The following KAT6B variants were observed in gnomAD, a reference collection of about 807,000 sequenced individuals.
KAT6B encodes histone acetyltransferase KAT6B.
Under a neutral mutation model 187.5 loss-of-function variants are expected in KAT6B, and 10 were observed. The observed-to-expected ratio is 0.05, with a 90% CI of 0.03 to 0.09. KAT6B has a LOEUF of 0.09. Ranked by LOEUF, KAT6B falls within the 10% of genes least tolerant of loss-of-function variation. The pLI, the probability that KAT6B is intolerant of heterozygous loss-of-function variation, is 1.00. For synonymous variants in KAT6B, 861 were observed against 926.8 expected (o/e 0.93, Z 1.29); for missense variants, 1,952 against 2,558.9 (o/e 0.76, Z 5.12).
chr10:75,002,031 A>T (rs1028179474), intron 13 of KAT6B, among the ~76,000 whole-genome samples: 1 of 152,164 alleles, frequency 6.6e-6, no homozygotes, highest in Non-Finnish European at 1.5e-5. Context: ...CCGTGTGGTC[A>T]GCTTAGGGCT....
At chr10:74,871,311 A>G (rs190021677) in intron 3 of KAT6B, among the ~76,000 whole-genome samples, 3 of 146,204 alleles carry the variant, frequency 2.1e-5, no homozygotes, top group South Asian at 2.2e-4. Flanking sequence ...TCCTGCCTCA[A>G]CCTCCCAAGT....
intron 13 of KAT6B, among the ~76,000 whole-genome samples, chr10:74,994,669 C>G (rs879783359): frequency 6.6e-6 from 1 of 151,878 alleles, no homozygotes; most frequent in East Asian, 1.9e-4. Context: ...CGCCTGTAGT[C>G]CCAGCTACTT....
intron 3 of KAT6B, among the ~76,000 whole-genome samples, chr10:74,898,948 C>CA (rs1458324013): frequency 7.1e-6 from 1 of 141,588 alleles, no homozygotes; most frequent in Non-Finnish European, 1.5e-5. Flanking sequence ...GTCAGGAGTT[C>CA]AAAACCAGCC....
At chr10:74,886,318 A>G (rs534435713) in intron 3 of KAT6B, among the ~76,000 whole-genome samples, 2 of 152,162 alleles carry the variant, frequency 1.3e-5, no homozygotes, top group East Asian at 1.9e-4. Context: ...AGGCCATCAC[A>G]GTTCTGGGAG....
chr10:74,863,268 A>G (rs990041153), intron 3 of KAT6B, among the ~76,000 whole-genome samples: 4 of 152,134 alleles, frequency 2.6e-5, no homozygotes, highest in African/African-American at 9.7e-5. Flanking sequence ...ATAATTTTGT[A>G]TCTTCCTTTC....
At chr10:74,909,098 G>A (rs2132878530) in intron 3 of KAT6B, among the ~76,000 whole-genome samples, 1 of 152,366 alleles carries the variant, frequency 6.6e-6, no homozygotes, top group South Asian at 2.1e-4. Context: ...GTAAGGCCGT[G>A]TATGGTGGCT....
At chr10:74,900,959 T>A (rs1334907857) in intron 3 of KAT6B, among the ~76,000 whole-genome samples, 2 of 152,212 alleles carry the variant, frequency 1.3e-5, no homozygotes, top group Non-Finnish European at 2.9e-5. Flanking sequence ...AAGTATATAT[T>A]CTTGAGTGTC....
At chr10:75,015,474 C>T (rs1489221477) in intron 13 of KAT6B, among the ~76,000 whole-genome samples, 2 of 152,186 alleles carry the variant, frequency 1.3e-5, no homozygotes, top group African/African-American at 2.4e-5. Context: ...AATAGCCTGT[C>T]AAGTTCATTT....
chr10:74,984,950 A>C, intron 11 of KAT6B, 130 bp from the exon 12 acceptor site: 1 of 824,664 alleles, frequency 1.2e-6, no homozygotes, highest in Non-Finnish European at 2.0e-6. Context: ...TGCTTAATAG[A>C]GTGTTTTAAT....
chr10:74,827,640 CTG>C (rs146953749), intron 1 of KAT6B, among the ~76,000 whole-genome samples: 2,560 of 151,978 alleles, frequency 0.017, 36 homozygotes, highest in Non-Finnish European at 0.028. Flanking sequence ...CTTGCAAAAT[CTG>C]TGGCAGAAAA....
At chr10:74,994,709 C>T (rs932598533) in intron 13 of KAT6B, among the ~76,000 whole-genome samples, 1 of 151,796 alleles carries the variant, frequency 6.6e-6, no homozygotes, top group Non-Finnish European at 1.5e-5. Flanking sequence ...TTGCTTGAAC[C>T]CGGGAGGTGG....
At chr10:74,970,828 A>G (rs1358373169) in intron 6 of KAT6B, among the ~76,000 whole-genome samples, 1 of 152,222 alleles carries the variant, frequency 6.6e-6, no homozygotes, top group Non-Finnish European at 1.5e-5. Context: ...AACATTCTGT[A>G]CATGTTTTTG....
At chr10:74,896,874 G>C (rs1007160981) in intron 3 of KAT6B, among the ~76,000 whole-genome samples, 1 of 152,088 alleles carries the variant, frequency 6.6e-6, no homozygotes, top group African/African-American at 2.4e-5. Flanking sequence ...CACGTAAACT[G>C]TACTAATGCC....
intron 3 of KAT6B, among the ~76,000 whole-genome samples, chr10:74,903,712 C>T (rs1400151709): frequency 6.6e-6 from 1 of 152,206 alleles, no homozygotes; most frequent in Non-Finnish European, 1.5e-5. Flanking sequence ...TTCTGACCCA[C>T]TCAGCTGTGA....
intron 3 of KAT6B, among the ~76,000 whole-genome samples, chr10:74,954,666 G>A (rs912214554): frequency 6.6e-6 from 1 of 152,104 alleles, no homozygotes; most frequent in Admixed American, 6.5e-5. Flanking sequence ...CCTTCACTAG[G>A]TCATAATATT....
chr10:74,825,939 TGGA>T (rs1420427675), upstream of KAT6B, among the ~76,000 whole-genome samples: 22 of 56,542 alleles, frequency 3.9e-4, no homozygotes, highest in African/African-American at 1.5e-3. This position sits in a 1 kb window ranked among gnomAD's most constrained non-coding sequence, Gnocchi z 5.0. Context: ...GGAGAGAGGG[TGGA>T]GGAGGGGGCG....
chr10:74,981,077 A>G (rs1296739314), intron 10 of KAT6B, among the ~76,000 whole-genome samples: 2 of 152,216 alleles, frequency 1.3e-5, no homozygotes, highest in Non-Finnish European at 2.9e-5. Flanking sequence ...AGTAAATGTG[A>G]ATTTTGAAAA....
chr10:74,925,928 C>T (rs185795772), intron 3 of KAT6B, among the ~76,000 whole-genome samples: 24 of 151,976 alleles, frequency 1.6e-4, no homozygotes, highest in African/African-American at 4.1e-4. Context: ...GTCGCATGTG[C>T]GTACAGCCCA....
intron 4 of KAT6B, among the ~76,000 whole-genome samples, chr10:74,965,819 G>A (rs1014281005): frequency 3.3e-5 from 5 of 151,356 alleles, no homozygotes; most frequent in East Asian, 1.9e-4. Context: ...TCCGCCTCCC[G>A]GGTTCACGCC....
Sources: gnomAD v4.1 joint callset for allele counts (sites outside exome capture counted in the v4.1 genomes callset) on GRCh38, gnomAD v4.1.1 for gene constraint, Gnocchi (gnomAD v3.1) non-coding constraint, MANE v1.5 for transcripts, NCBI Gene and HGNC (gene_info 2026-07-23, HGNC 2026-07-21) for gene names.